NBEAL1: variants seen among roughly 807,000 people sequenced by gnomAD.
NBEAL1 encodes the protein neurobeachin like 1, also known as neurobeachin-like protein 1.
Under a neutral mutation model 351.3 loss-of-function variants are expected in NBEAL1, and 273 were observed. That is an observed-to-expected ratio of 0.78 (90% CI 0.70 to 0.86). NBEAL1 has a LOEUF of 0.86. Ranked by LOEUF, NBEAL1 falls within the 40% of genes least tolerant of loss-of-function variation. The pLI is 0.00. For synonymous variants in NBEAL1, 1,050 were observed against 1,086.4 expected (o/e 0.97, Z 0.66); for missense variants, 2,961 against 3,201.3 (o/e 0.92, Z 1.81).
chr2:203,181,424 T>A (rs576049994), intron 43 of NBEAL1: 1 of 152,318 alleles, frequency 6.6e-6, no homozygotes, highest in South Asian at 2.1e-4. Flanking sequence ...TATAAGTTAC[T>A]GTAATATTTG....
Position 203,208,751 on chromosome 2 carries a change from A to C in NBEAL1, c.7621A>C (p.Arg2541=). 1 of 1,580,822 alleles carries C rather than the reference A, an allele frequency of 6.3e-7. No individual in the cohort carries two copies. Among genetic ancestry groups the C allele is most frequent in the Non-Finnish European group, 8.6e-7 (1 of 1,166,308 alleles). ...GCTAGACATGGCAGTGTCAGGATCA[A>C]GGGTAAGATTTCACCTTTAAGAAAT... is the stretch of plus-strand genomic sequence containing the variant. The part of the protein sequence containing the change: ...TELDMAVSGS[R]DGTVIIHTIQ... Residue 2541 remains arginine, a splice_region_variant and synonymous_variant, in exon 52 of 56, where the codon AGG becomes CGG. Transcript: ENST00000683969.
At chr2:203,216,901 T>C (rs1265320065) in intron 55 of NBEAL1, among the ~76,000 whole-genome samples, 1 of 152,170 alleles carries the variant, frequency 6.6e-6, no homozygotes, top group African/African-American at 2.4e-5. Context: ...CCTCTCAGGT[T>C]CAAGCAATTC....
At chr2:203,141,366 ATTTTTTT>A (rs71034219) in intron 31 of NBEAL1, among the ~76,000 whole-genome samples, 17 of 9,100 alleles carry the variant, frequency 1.9e-3, no homozygotes, top group South Asian at 0.011. Context: ...TATTATTATT[ATTTTTTT>A]TTTTTTTTTT....
chr2:203,173,746 A>G (rs1378950056), intron 41 of NBEAL1, among the ~76,000 whole-genome samples: 1 of 152,034 alleles, frequency 6.6e-6, no homozygotes, highest in African/African-American at 2.4e-5. Flanking sequence ...TAAATAACTT[A>G]TTTTATTGGT....
Position 203,223,567 on chromosome 2 carries a change from T to C in NBEAL1, c.*6213T>C, listed in dbSNP as rs1165161970. Among the ~76,000 whole-genome samples, 1 of 152,062 alleles carries C rather than the reference T, an allele frequency of 6.6e-6. No individual in the cohort carries two copies. The highest frequency in any genetic ancestry group is 1.5e-5 in the Non-Finnish European group (1 of 67,932). ...ATTGTAATGTAAGATGAAGAAAAAT[T>C]AGGATTTAGGTGGGATTTTTAAAAA... On this transcript the variant is annotated 3_prime_UTR_variant, in exon 56 of 56. Transcript: ENST00000683969.
intron 6 of NBEAL1, among the ~76,000 whole-genome samples, chr2:203,067,940 GATTTGTATCCTCAAGATGA>G (rs1452172776): frequency 6.6e-6 from 1 of 152,130 alleles, no homozygotes; most frequent in African/African-American, 2.4e-5. Flanking sequence ...GCCCATACTG[GATTTGTATCCTCAAGATGA>G]AAGAAGCTAA....
rs539672170 is a variant in NBEAL1, at chr2:203,111,356, G to A, written c.2083-623G>A. 3.9e-5 allele frequency among the ~76,000 whole-genome samples: 6 copies of A among 152,030 alleles called. No homozygotes were observed. In the East Asian group the frequency reaches 1.2e-3, roughly 29 times the overall value. On this transcript the variant is annotated intron_variant, in intron 15 of 55. Coordinates refer to ENST00000683969, the MANE Select transcript of NBEAL1 (RefSeq NM_001378026.1). ...AATGATAAAATAAAATGAGATGATA[G>A]ATTGTTTTGTGTTTTTTTTTGTTTT...
At chr2:203,040,189 G>A in intron 2 of NBEAL1, 2 of 1,513,742 alleles carry the variant, frequency 1.3e-6, no homozygotes, top group East Asian at 2.2e-5. Context: ...AGCCCTCAAA[G>A]CCACTCAGGC....
chr2:203,053,925 C>G lies in NBEAL1; in HGVS notation c.306-2502C>G, dbSNP rs548854487. 2.0e-5 allele frequency among the ~76,000 whole-genome samples: 3 copies of G among 152,182 alleles called. No homozygotes were observed. The East Asian group carries it at 5.8e-4, about 29-fold the overall frequency. The stretch of plus-strand genomic sequence containing the variant: ...TTAATTTTAATGAAGTTTGACTTAA[C>G]TTTTTTCTTTCATGGATTATGCTTT... On this transcript the variant is annotated intron_variant, in intron 4 of 55. Coordinates refer to ENST00000683969, the MANE Select transcript of NBEAL1 (RefSeq NM_001378026.1).
In NBEAL1 at chr2:203,125,283, A is replaced by C; in HGVS notation, c.2683-69A>C. The C allele has an allele frequency of 2.7e-6, 3 of 1,105,902 alleles. No homozygotes were observed. The South Asian group carries it at 5.9e-5, about 22-fold the overall frequency. The allele number at this position is 1,105,902 out of a possible 1,614,324, so 68.5% of individuals were successfully genotyped here. A position where few individuals can be genotyped will look rare whatever the true frequency, so the allele number is the denominator to read the frequency against. On this transcript the variant is annotated intron_variant, in intron 19 of 55. Transcript: ENST00000683969. ...TATCTAGCAGATTATAACTTCATAC[A>C]TGTGAAGATATTAAATGACAAAATT...
chr2:203,112,931 A>T (rs2062604859), intron 16 of NBEAL1, 84 bp from the exon 17 acceptor site: 3 of 1,198,810 alleles, frequency 2.5e-6, no homozygotes, highest in Admixed American at 3.5e-5. Context: ...GTGTAATTTT[A>T]TGTACTATTT....
intron 46 of NBEAL1, among the ~76,000 whole-genome samples, chr2:203,192,934 C>T (rs1393594720): frequency 1.5e-5 from 2 of 134,654 alleles, no homozygotes; most frequent in African/African-American, 5.6e-5. Context: ...TAATTTGATT[C>T]TGACAGTATT....
rs1259114302 is a variant in NBEAL1, at chr2:203,202,752, A to G, written c.7477A>G (p.Thr2493Ala). Residue 2493 changes from threonine to alanine, a missense_variant, in exon 51 of 56, where the codon ACA (threonine) becomes GCA (alanine). Coordinates refer to ENST00000683969, the MANE Select transcript of NBEAL1 (RefSeq NM_001378026.1). ...TTTGATTTCTGGTTCCAGAGATACT[A>G]CATGTATGATATGGCAAATAACACA... ...IHLISGSRDT[T>A]CMIWQITQQG... is the part of the protein sequence containing the mutation. The G allele has an allele frequency of 6.9e-6, 11 of 1,597,816 alleles. No individual in the cohort carries two copies. The highest frequency in any genetic ancestry group is 9.4e-6 in the Non-Finnish European group (11 of 1,165,712).
chr2:203,193,133 G>C (rs1011225600), intron 46 of NBEAL1, among the ~76,000 whole-genome samples: 3 of 151,640 alleles, frequency 2.0e-5, no homozygotes, highest in Non-Finnish European at 4.4e-5. Flanking sequence ...CACTACGCCT[G>C]ACCAATTTTT....
intron 20 of NBEAL1, 75 bp from the exon 21 acceptor site, chr2:203,125,885 G>T: frequency 8.3e-7 from 1 of 1,207,750 alleles, no homozygotes; most frequent in South Asian, 1.7e-5. Context: ...GTAACAGTGT[G>T]CATTAAGATA....
chr2:203,039,983 A>G, intron 2 of NBEAL1: 2 of 532,078 alleles, frequency 3.8e-6, no homozygotes, highest in Admixed American at 7.2e-5. Flanking sequence ...ATGATAAGGT[A>G]AGGTAAAGGG....
chr2:203,110,350 T>C, intron 15 of NBEAL1, 68 bp downstream of exon 15: 1 of 1,480,578 alleles, frequency 6.8e-7, no homozygotes. Flanking sequence ...TTGTCATAAA[T>C]TCAACAGCAG....
At chr2:203,116,789 CAA>C (rs34559564) in intron 18 of NBEAL1, among the ~76,000 whole-genome samples, 38 of 100,656 alleles carry the variant, frequency 3.8e-4, no homozygotes, top group Admixed American at 5.4e-4. Context: ...GACCCTGTCT[CAA>C]AAAAAAAAAA....
At chr2:203,193,294 C>T (rs1672849042) in intron 46 of NBEAL1, among the ~76,000 whole-genome samples, 1 of 151,922 alleles carries the variant, frequency 6.6e-6, no homozygotes, top group Non-Finnish European at 1.5e-5. Context: ...TTGATCTTGT[C>T]AAGGAATTAA....
Sources: gnomAD v4.1 joint callset for allele counts (sites outside exome capture counted in the v4.1 genomes callset) on GRCh38, gnomAD v4.1.1 for gene constraint, MANE v1.5 for transcripts, NCBI Gene and HGNC (gene_info 2026-07-23, HGNC 2026-07-21) for gene names.